The following SLC35F2 variants were observed in gnomAD, a reference collection of about 807,000 sequenced individuals.
The protein encoded by SLC35F2 is queuine/queuosine transporter SLC35F2.
SLC35F2 carries 25 observed loss-of-function variants against 38.1 expected under a neutral mutation model. The observed-to-expected ratio is 0.66, with a 90% confidence interval of 0.48 to 0.92. SLC35F2 has a LOEUF of 0.92. Ranked by LOEUF, SLC35F2 falls within the 40% of genes least tolerant of loss-of-function variation. The probability of loss-of-function intolerance (pLI) is 0.00; values close to 1 mark genes in which losing one functional copy is unlikely to be tolerated. For synonymous variants in SLC35F2, 173 were observed against 181.7 expected, an observed-to-expected ratio of 0.95 and a Z score of 0.38; for missense variants, 409 against 452.9, an observed-to-expected ratio of 0.90 and a Z score of 0.88.
chr11:107,837,525 T>TTAAA, intron 1 of SLC35F2, among the ~76,000 whole-genome samples: 1 of 121,830 alleles, frequency 8.2e-6, no homozygotes, highest in African/African-American at 3.1e-5. Flanking sequence ...CTGTCTCTAC[T>TTAAA]AAAAAAAAAA....
intron 2 of SLC35F2, among the ~76,000 whole-genome samples, 200 bp from the exon 3 acceptor site, chr11:107,811,994 T>C (rs968678486): frequency 6.6e-6 from 1 of 152,112 alleles, no homozygotes; most frequent in Admixed American, 6.6e-5. Context: ...CTCTGCCTCC[T>C]GGGTTCAAGC....
At chr11:107,853,283 A>T (rs1860217900) in intron 1 of SLC35F2, among the ~76,000 whole-genome samples, 1 of 152,110 alleles carries the variant, frequency 6.6e-6, no homozygotes, top group Non-Finnish European at 1.5e-5. Context: ...CCTTGCACTT[A>T]TCTTTATAGC....
chr11:107,821,372 A>G, intron 1 of SLC35F2: 1 of 975,186 alleles, frequency 1.0e-6, no homozygotes, highest in Non-Finnish European at 1.2e-6. Flanking sequence ...GGAGATTTAA[A>G]GTTACAGGAA....
intron 1 of SLC35F2, among the ~76,000 whole-genome samples, chr11:107,831,847 G>T (rs1355907725): frequency 6.6e-6 from 1 of 152,162 alleles, no homozygotes; most frequent in Non-Finnish European, 1.5e-5. Flanking sequence ...TTCTGGCAAA[G>T]AACAGGAATC....
intron 7 of SLC35F2, among the ~76,000 whole-genome samples, chr11:107,799,257 A>C (rs1026262792): frequency 2.6e-5 from 4 of 152,238 alleles, no homozygotes; most frequent in African/African-American, 9.6e-5. Flanking sequence ...TCAGGGACAA[A>C]GGAACACAAA....
chr11:107,830,583 C>CAAAAAAAAAAAAAAA (rs66495434), intron 1 of SLC35F2, among the ~76,000 whole-genome samples: 1 of 95,734 alleles, frequency 1.0e-5, no homozygotes, highest in Non-Finnish European at 2.1e-5. Context: ...GACTCAGTCT[C>CAAAAAAAAAAAAAAA]AAAAAAAAAA....
chr11:107,833,309 C>G (rs1341971725), intron 1 of SLC35F2, among the ~76,000 whole-genome samples: 1 of 151,950 alleles, frequency 6.6e-6, no homozygotes, highest in African/African-American at 2.4e-5. Flanking sequence ...ATCACGAGCT[C>G]AAGAGATCAA....
At chr11:107,823,746 T>A (rs1353038042) in intron 1 of SLC35F2, among the ~76,000 whole-genome samples, 1 of 151,992 alleles carries the variant, frequency 6.6e-6, no homozygotes, top group African/African-American at 2.4e-5. Context: ...CTGGCCAACA[T>A]GGCAAAACCC....
intron 1 of SLC35F2, among the ~76,000 whole-genome samples, chr11:107,843,871 ATATATATATATATAT>A (rs1565440754): frequency 0.013 from 521 of 39,696 alleles, 41 homozygotes; most frequent in Middle Eastern, 0.029. Context: ...AAAAAAAAAT[ATATATATATATATAT>A]ATATATATAT....
chr11:107,844,026 G>A (rs28455172), intron 1 of SLC35F2, among the ~76,000 whole-genome samples: 1 of 151,458 alleles, frequency 6.6e-6, no homozygotes, highest in Non-Finnish European at 1.5e-5. Flanking sequence ...CCCAGAAGAT[G>A]CATTCTATTT....
Position 107,792,352 on chromosome 11 carries a change from G to C in SLC35F2, c.*263C>G, listed in dbSNP as rs921146079. ...TCCCACTGGTGCCTCTAAGACCCCA[G>C]TGTGGAGTCTGCACCTCATCTCCTC... On this transcript the variant is annotated 3_prime_UTR_variant, in exon 8 of 8. Coordinates refer to ENST00000525815, the MANE Select transcript of SLC35F2 (RefSeq NM_017515.5). The C allele has an allele frequency of 1.2e-5, 4 of 332,786 alleles. No individual in the cohort carries two copies. Among genetic ancestry groups the C allele is most frequent in the Non-Finnish European group, 2.2e-5 (4 of 183,552 alleles). The allele number at this position is 332,786 out of a possible 1,614,324, so 20.6% of individuals were successfully genotyped here. A position where few individuals can be genotyped will look rare whatever the true frequency, so the allele number is the denominator to read the frequency against.
intron 7 of SLC35F2, among the ~76,000 whole-genome samples, chr11:107,793,136 C>T (rs115283273): frequency 0.017 from 2,587 of 152,256 alleles, 69 homozygotes; most frequent in African/African-American, 0.059. Flanking sequence ...AGGATGGTCT[C>T]GAACACCTGA....
At chr11:107,830,653 AT>A (rs1406959033) in intron 1 of SLC35F2, among the ~76,000 whole-genome samples, 8 of 151,840 alleles carry the variant, frequency 5.3e-5, no homozygotes, top group African/African-American at 1.7e-4. Flanking sequence ...TTCCCATAAA[AT>A]TTTTTTTAAG....
At chr11:107,843,865 AAAAATAT>A (rs1269699578) in intron 1 of SLC35F2, among the ~76,000 whole-genome samples, 8 of 35,338 alleles carry the variant, frequency 2.3e-4, no homozygotes, top group East Asian at 1.2e-3. Flanking sequence ...AAAAAAAAAA[AAAAATAT>A]ATATATATAT....
At chr11:107,845,026 C>T (rs1860083615) in intron 1 of SLC35F2, among the ~76,000 whole-genome samples, 1 of 151,684 alleles carries the variant, frequency 6.6e-6, no homozygotes, top group Non-Finnish European at 1.5e-5. Context: ...CCCTGAGATC[C>T]CAGAATAGTG....
intron 1 of SLC35F2, among the ~76,000 whole-genome samples, chr11:107,828,324 C>T (rs1565436124): frequency 1.3e-5 from 2 of 151,440 alleles, no homozygotes; most frequent in Non-Finnish European, 2.9e-5. Context: ...ATCCCAGCTA[C>T]TCAGGAGGCT....
chr11:107,803,155 G>C lies in SLC35F2; in HGVS notation c.785C>G (p.Ala262Gly). The C allele has an allele frequency of 1.9e-6, 3 of 1,595,666 alleles. No homozygotes were observed. Among genetic ancestry groups the C allele is most frequent in the Non-Finnish European group, 2.6e-6 (3 of 1,174,328 alleles). ...IASIHWDWKI[A>G]LLFVAFALCM... ...CAGGGCAAATGCCACGAACAGCAGG[G>C]CTGTGGAAAAAAACATGGAATATCT... Residue 262 changes from alanine to glycine, a missense_variant and splice_region_variant, in exon 7 of 8, where the codon GCC (alanine) becomes GGC (glycine). Transcript: ENST00000525815.
chr11:107,853,983 A>G (rs1437118109), intron 1 of SLC35F2, among the ~76,000 whole-genome samples: 2 of 152,114 alleles, frequency 1.3e-5, no homozygotes, highest in African/African-American at 4.8e-5. Context: ...TTAGGAGGCC[A>G]AGATGGGAGG....
chr11:107,815,638 C>A, intron 2 of SLC35F2, 152 bp downstream of exon 2: 4 of 743,382 alleles, frequency 5.4e-6, no homozygotes, highest in East Asian at 3.1e-5. Context: ...GTGTTACAAA[C>A]AGTATGGTGC....
Sources: gnomAD v4.1 joint callset for allele counts (sites outside exome capture counted in the v4.1 genomes callset) on GRCh38, gnomAD v4.1.1 for gene constraint, MANE v1.5 for transcripts, NCBI Gene and HGNC (gene_info 2026-07-23, HGNC 2026-07-21) for gene names.